TLK1: variants seen among roughly 807,000 people sequenced by gnomAD.
TLK1 encodes the protein serine/threonine-protein kinase tousled-like 1.
TLK1 carries 24 observed loss-of-function variants against 105.3 expected under a neutral mutation model. The ratio of observed to expected loss-of-function variants is 0.23; its 90% CI spans 0.17 to 0.32. The LOEUF (loss-of-function observed/expected upper bound fraction) is 0.32. Among genes scored for constraint, TLK1 ranks in the 10% least tolerant of loss-of-function variants. The probability of loss-of-function intolerance (pLI) is 1.00; values close to 1 mark genes in which losing one functional copy is unlikely to be tolerated. For synonymous variants in TLK1, 321 were observed against 310.4 expected (o/e 1.03, Z -0.36); for missense variants, 558 against 910.5 (o/e 0.61, Z 4.98).
At chr2:171,017,999 A>G (rs1385247607) in intron 12 of TLK1, among the ~76,000 whole-genome samples, 1 of 152,226 alleles carries the variant, frequency 6.6e-6, no homozygotes, top group Non-Finnish European at 1.5e-5. Flanking sequence ...TTCCACTAAG[A>G]AAAAGTACAT....
At chr2:171,165,326 C>T (rs964441386), upstream of TLK1, among the ~76,000 whole-genome samples, 7 of 152,084 alleles carry the variant, frequency 4.6e-5, no homozygotes, top group Non-Finnish European at 7.4e-5. Context: ...TGAATGATGA[C>T]GATCAATGAG....
upstream of TLK1, chr2:171,160,896 C>G (rs1692471419): frequency 3.6e-6 from 1 of 279,920 alleles, no homozygotes; most frequent in Admixed American, 5.4e-5. This position sits in a 1 kb window ranked among gnomAD's most constrained non-coding sequence, Gnocchi z 4.4. Context: ...ACCTCTGCAT[C>G]AGTTACAGGC....
chr2:171,210,711 A>T (rs796547393), intron 1 of TLK1, among the ~76,000 whole-genome samples: 23 of 152,342 alleles, frequency 1.5e-4, no homozygotes, highest in African/African-American at 5.1e-4. Flanking sequence ...CAACATCCTT[A>T]TATCTGAACC....
At chr2:171,222,908 A>G (rs1693834411) in intron 1 of TLK1, among the ~76,000 whole-genome samples, 1 of 152,014 alleles carries the variant, frequency 6.6e-6, no homozygotes, top group African/African-American at 2.4e-5. Flanking sequence ...TCCGCTTCCC[A>G]GGTTCAAGTG....
At chr2:171,062,910 C>A (rs974666790) in intron 3 of TLK1, among the ~76,000 whole-genome samples, 1 of 152,180 alleles carries the variant, frequency 6.6e-6, no homozygotes, top group Non-Finnish European at 1.5e-5. Context: ...AGGAGGTAGA[C>A]TGATGTACCA....
At chr2:171,006,940 A>G in intron 15 of TLK1, 32 bp downstream of exon 15, 1 of 1,603,972 alleles carries the variant, frequency 6.2e-7, no homozygotes, top group South Asian at 1.1e-5. Flanking sequence ...AAAATATTCA[A>G]TTTTAAAAAA....
chr2:171,200,291 C>T (rs1390346977), intron 1 of TLK1, among the ~76,000 whole-genome samples: 2 of 152,074 alleles, frequency 1.3e-5, no homozygotes, highest in African/African-American at 2.4e-5. Context: ...TTTTTCTACC[C>T]CCCCATCCTG....
At chr2:171,047,758 A>G (rs1376466076) in intron 10 of TLK1, among the ~76,000 whole-genome samples, 2 of 152,226 alleles carry the variant, frequency 1.3e-5, no homozygotes, top group African/African-American at 4.8e-5. Context: ...ACTGGAATAG[A>G]TATTAATAGC....
intron 1 of TLK1, among the ~76,000 whole-genome samples, chr2:171,122,049 C>T (rs1417140435): frequency 2.0e-5 from 3 of 152,158 alleles, no homozygotes; most frequent in Admixed American, 1.3e-4. Context: ...TGGGTTCAAG[C>T]GATTCTCCTG....
chr2:170,996,930 T>TTTA (rs1348225565), intron 19 of TLK1, among the ~76,000 whole-genome samples, 170 bp from the exon 20 acceptor site: 5 of 152,224 alleles, frequency 3.3e-5, no homozygotes, highest in African/African-American at 1.2e-4. Context: ...CAAGCTATAA[T>TTTA]TGATAGCAGG....
At chr2:171,172,593 T>C (rs1288968683) in intron 1 of TLK1, among the ~76,000 whole-genome samples, 2 of 152,088 alleles carry the variant, frequency 1.3e-5, no homozygotes, top group Non-Finnish European at 2.9e-5. Context: ...GGGGTGAATT[T>C]TCTCCTCCGT....
chr2:171,007,863 G>A (rs1483332053), intron 14 of TLK1, among the ~76,000 whole-genome samples: 1 of 151,968 alleles, frequency 6.6e-6, no homozygotes, highest in Non-Finnish European at 1.5e-5. Context: ...ATTTATACTT[G>A]ATTTGTTCAA....
At chr2:171,201,939 ATCT>A (rs1693407024) in intron 1 of TLK1, among the ~76,000 whole-genome samples, 2 of 150,646 alleles carry the variant, frequency 1.3e-5, no homozygotes, top group Non-Finnish European at 1.5e-5. Context: ...CTATCTATCT[ATCT>A]ATCATCAATC....
chr2:171,133,139 T>C (rs190266010), intron 1 of TLK1, among the ~76,000 whole-genome samples: 1 of 152,304 alleles, frequency 6.6e-6, no homozygotes, highest in Non-Finnish European at 1.5e-5. Flanking sequence ...TTAAACATTG[T>C]TACCTGTCAA....
intron 1 of TLK1, among the ~76,000 whole-genome samples, chr2:171,167,573 A>G (rs1692631976): frequency 6.6e-6 from 1 of 152,214 alleles, no homozygotes; most frequent in Non-Finnish European, 1.5e-5. Context: ...CTGAAGAGAT[A>G]GTTCCAAGCT....
At chr2:171,066,907 G>A (rs1339472313) in intron 3 of TLK1, 13 of 1,549,830 alleles carry the variant, frequency 8.4e-6, no homozygotes, top group Non-Finnish European at 1.1e-5. Flanking sequence ...TGAAGGGTGG[G>A]GGTTGGGAAG....
intron 2 of TLK1, among the ~76,000 whole-genome samples, chr2:171,106,390 C>T (rs1199421271): frequency 2.0e-5 from 3 of 152,182 alleles, no homozygotes; most frequent in African/African-American, 2.4e-5. Flanking sequence ...GACAAATATG[C>T]TAATTACCCT....
chr2:171,113,188 A>C (rs145446656), intron 2 of TLK1, among the ~76,000 whole-genome samples: 82 of 152,286 alleles, frequency 5.4e-4, no homozygotes, highest in African/African-American at 1.8e-3. Flanking sequence ...ATACTGGAGC[A>C]CAAGAACACA....
At chr2:171,023,351 T>C (rs992964882) in intron 12 of TLK1, among the ~76,000 whole-genome samples, 1 of 152,104 alleles carries the variant, frequency 6.6e-6, no homozygotes, top group Non-Finnish European at 1.5e-5. Flanking sequence ...AAATTGGTTA[T>C]GTTTTTCAAA....
Sources: gnomAD v4.1 joint callset for allele counts (sites outside exome capture counted in the v4.1 genomes callset) on GRCh38, gnomAD v4.1.1 for gene constraint, Gnocchi (gnomAD v3.1) non-coding constraint, MANE v1.5 for transcripts, NCBI Gene and HGNC (gene_info 2026-07-23, HGNC 2026-07-21) for gene names.